CNTNAP2: variants seen among roughly 807,000 people sequenced by gnomAD.
CNTNAP2 encodes the protein contactin associated protein 2, also known as contactin-associated protein-like 2.
Under a neutral mutation model 155.2 loss-of-function variants are expected in CNTNAP2, and 98 were observed. That is an observed-to-expected ratio of 0.63 (90% CI 0.54 to 0.75). The LOEUF (loss-of-function observed/expected upper bound fraction) is 0.75, where lower values mean the gene tolerates loss of function less well. Among genes scored for constraint, CNTNAP2 ranks in the 30% least tolerant of loss-of-function variants. CNTNAP2 has a pLI of 0.00. For missense variants in CNTNAP2, 1,727 were observed against 1,688.1 expected (o/e 1.02, Z -0.40); for synonymous variants, 651 against 631.2 (o/e 1.03, Z -0.47).
intron 17 of CNTNAP2, among the ~76,000 whole-genome samples, chr7:148,158,213 ATGTT>A (rs1204772428): frequency 1.1e-5 from 1 of 89,286 alleles, no homozygotes; most frequent in Non-Finnish European, 2.1e-5. Context: ...GATAGGTACA[ATGTT>A]TGCGCTTTTT....
intron 10 of CNTNAP2, among the ~76,000 whole-genome samples, chr7:147,415,183 C>T (rs1181632474): frequency 3.3e-5 from 5 of 152,122 alleles, no homozygotes; most frequent in East Asian, 1.9e-4. Flanking sequence ...GCTGACACCT[C>T]TTTCAGAGCT....
intron 13 of CNTNAP2, among the ~76,000 whole-genome samples, chr7:147,766,736 C>T (rs954923359): frequency 3.3e-5 from 5 of 152,034 alleles, no homozygotes; most frequent in Non-Finnish European, 7.4e-5. Flanking sequence ...TTCGAAGGAA[C>T]GGAAAATTTA....
chr7:147,250,661 C>T (rs1804177996), intron 8 of CNTNAP2, among the ~76,000 whole-genome samples: 1 of 151,642 alleles, frequency 6.6e-6, no homozygotes. Context: ...AAGTGTGTGT[C>T]TGGCCTGAAG....
chr7:147,671,229 T>G (rs539065769), intron 13 of CNTNAP2, among the ~76,000 whole-genome samples: 59 of 152,192 alleles, frequency 3.9e-4, no homozygotes, highest in Non-Finnish European at 7.5e-4. Flanking sequence ...GGCTGTGAGC[T>G]GGGCAAATGA....
chr7:148,190,108 C>T (rs899011839), intron 18 of CNTNAP2: 1 of 152,212 alleles, frequency 6.6e-6, no homozygotes, highest in African/African-American at 2.4e-5. Context: ...CTTAAGCCAA[C>T]AGAATGTGGC....
chr7:147,886,365 C>T (rs1799598450), intron 13 of CNTNAP2, among the ~76,000 whole-genome samples: 1 of 148,152 alleles, frequency 6.7e-6, no homozygotes, highest in African/African-American at 2.5e-5. Context: ...ATCCCAGCTA[C>T]TTGGGAGGCT....
chr7:146,512,180 T>C (rs185503437), intron 1 of CNTNAP2, among the ~76,000 whole-genome samples: 64 of 152,090 alleles, frequency 4.2e-4, no homozygotes, highest in Non-Finnish European at 8.0e-4. Context: ...TCTTCTTTTT[T>C]TTCTTCCTTA....
intron 13 of CNTNAP2, among the ~76,000 whole-genome samples, chr7:147,736,915 C>A (rs1796858486): frequency 1.3e-5 from 2 of 152,138 alleles, no homozygotes; most frequent in Admixed American, 6.5e-5. Context: ...TTCTAGTTAG[C>A]CGTTTGTCAA....
intron 2 of CNTNAP2, among the ~76,000 whole-genome samples, chr7:146,795,337 C>G (rs1446587279): frequency 6.6e-6 from 1 of 152,150 alleles, no homozygotes; most frequent in Non-Finnish European, 1.5e-5. Flanking sequence ...ACTTAGTATT[C>G]TCCACAGTAT....
At chr7:146,607,816 A>T (rs758683751) in intron 1 of CNTNAP2, among the ~76,000 whole-genome samples, 6 of 151,992 alleles carry the variant, frequency 3.9e-5, no homozygotes, top group Non-Finnish European at 8.8e-5. Context: ...TTAACTTGGG[A>T]TTTGTCACAA....
chr7:146,517,009 A>C (rs1319660317), intron 1 of CNTNAP2, among the ~76,000 whole-genome samples: 1 of 151,952 alleles, frequency 6.6e-6, no homozygotes, highest in Non-Finnish European at 1.5e-5. Context: ...ACTGCAGTTC[A>C]AATATATTAA....
At chr7:146,838,614 A>T (rs1803661528) in intron 2 of CNTNAP2, among the ~76,000 whole-genome samples, 1 of 118,436 alleles carries the variant, frequency 8.4e-6, no homozygotes, top group Admixed American at 7.4e-5. Context: ...CACTGAGCCC[A>T]GTCAGTTATT....
At chr7:147,454,590 C>T (rs1584957292) in intron 10 of CNTNAP2, among the ~76,000 whole-genome samples, 1 of 152,062 alleles carries the variant, frequency 6.6e-6, no homozygotes, top group Non-Finnish European at 1.5e-5. Flanking sequence ...TAAAATTTAA[C>T]TTAAGGGCTT....
At chr7:147,172,573 C>A (rs1159749526) in intron 8 of CNTNAP2, among the ~76,000 whole-genome samples, 1 of 151,904 alleles carries the variant, frequency 6.6e-6, no homozygotes, top group Non-Finnish European at 1.5e-5. Context: ...TATAATTTCT[C>A]AATTCATGTT....
intron 13 of CNTNAP2, among the ~76,000 whole-genome samples, chr7:147,783,341 C>A (rs895091684): frequency 6.6e-6 from 1 of 152,130 alleles, no homozygotes; most frequent in African/African-American, 2.4e-5. Context: ...TTTGCAAGCA[C>A]ATTTTAAGTT....
At chr7:146,928,662 C>G (rs1186364773) in intron 3 of CNTNAP2, among the ~76,000 whole-genome samples, 3 of 152,308 alleles carry the variant, frequency 2.0e-5, no homozygotes, top group South Asian at 4.1e-4. Flanking sequence ...CACAAGGGGT[C>G]AGGGAGTTCC....
chr7:147,701,104 A>C (rs554232899), intron 13 of CNTNAP2, among the ~76,000 whole-genome samples: 5 of 152,326 alleles, frequency 3.3e-5, no homozygotes, highest in Middle Eastern at 6.8e-3. Context: ...AGTTACACAC[A>C]TAACTCCTTA....
intron 1 of CNTNAP2, among the ~76,000 whole-genome samples, chr7:146,550,701 G>T (rs1419520609): frequency 6.6e-6 from 1 of 151,928 alleles, no homozygotes; most frequent in African/African-American, 2.4e-5. Context: ...ACTAGACCAA[G>T]AACTTATTTA....
At chr7:146,990,012 G>A (rs536536612) in intron 3 of CNTNAP2, among the ~76,000 whole-genome samples, 1 of 151,156 alleles carries the variant, frequency 6.6e-6, no homozygotes, top group Non-Finnish European at 1.5e-5. Context: ...ATATTTACAG[G>A]GATATTATGT....
Sources: allele counts gnomAD v4.1 joint callset (sites outside exome capture counted in the v4.1 genomes callset), GRCh38; gene constraint gnomAD v4.1.1; transcripts MANE v1.5; gene names NCBI Gene and HGNC (gene_info 2026-07-23, HGNC 2026-07-21).